POMT1: variants seen among roughly 807,000 people sequenced by gnomAD.
POMT1 encodes protein O-mannosyl-transferase 1.
A neutral mutation model predicts 101.6 loss-of-function variants in POMT1; 85 were observed. That is an observed-to-expected ratio of 0.84 (90% CI 0.70 to 1.00). POMT1 has a LOEUF of 1.00. Among genes scored for constraint, POMT1 ranks in the 50% least tolerant of loss-of-function variants. The pLI is 0.00. For missense variants in POMT1, 857 were observed against 930.4 expected, an observed-to-expected ratio of 0.92 and a Z score of 1.03; for synonymous variants, 371 against 383.0, an observed-to-expected ratio of 0.97 and a Z score of 0.37.
At position 131,518,530 on chromosome 9, in the gene POMT1, T is replaced by C; in HGVS notation, c.1358T>C (p.Val453Ala). Residue 453 changes from valine (V) to alanine (A), a missense_variant, in exon 14 of 20, where the codon GTC (valine) becomes GCC (alanine). By Grantham distance (64) the Val-to-Ala change is moderately conservative. Transcript: ENST00000402686. ...TTTGTGCACGTGAACACTTCCGCTG[T>C]CTTAAAGGTAAGGACACTGTCCGTG... is the stretch of plus-strand genomic sequence containing the variant. ...VRFVHVNTSA[V>A]LKLSGAHLPD... 1 of 1,613,312 alleles carries C rather than the reference T, an allele frequency of 6.2e-7. No homozygotes were observed. The highest frequency in any genetic ancestry group is 1.1e-5 in the South Asian group (1 of 91,072).
chr9:131,518,784 A>G (rs1949279393), intron 14 of POMT1, 53 bp from the exon 15 acceptor site: 1 of 1,613,526 alleles, frequency 6.2e-7, no homozygotes, highest in Non-Finnish European at 8.5e-7. Flanking sequence ...CCAAGTGGAC[A>G]CGGGAGCCAC....
chr9:131,521,932 T>C (rs954059898), intron 18 of POMT1, 115 bp from the exon 19 acceptor site: 4 of 1,564,110 alleles, frequency 2.6e-6, no homozygotes, highest in South Asian at 1.2e-5. Flanking sequence ...AGGCCAGGAG[T>C]TCAAAACCAG....
At chr9:131,510,788 G>A (rs1946951785) in intron 9 of POMT1, 4 of 349,030 alleles carry the variant, frequency 1.1e-5, no homozygotes, top group Admixed American at 4.1e-5. Flanking sequence ...TTATAGGCGT[G>A]AGCCACCGCG....
Position 131,509,977 on chromosome 9 carries a change from GAGACC to G in POMT1, c.685_689del (p.Gln229PhefsTer101). 1 of 1,614,226 alleles carries G rather than the reference GAGACC, an allele frequency of 6.2e-7. No homozygotes were observed. The highest frequency in any genetic ancestry group is 8.5e-7 in the Non-Finnish European group (1 of 1,180,044). On this transcript the variant is annotated frameshift_variant, in exon 8 of 20. Coordinates refer to ENST00000402686, the MANE Select transcript of POMT1 (RefSeq NM_001077365.2). LOFTEE classifies it high-confidence loss of function. ...GCTGTCCATGCCTGGCACCTGCTTG[GAGACC>G]AGACTTTGTCCAATGTAGGTGCTGA...
At chr9:131,511,841 A>G in intron 10 of POMT1, 200 bp from the exon 11 acceptor site, 1 of 632,212 alleles carries the variant, frequency 1.6e-6, no homozygotes, top group Non-Finnish European at 2.8e-6. Flanking sequence ...GGCCCGATCG[A>G]TGACCCACTT....
chr9:131,506,584 T>A, intron 4 of POMT1, 131 bp downstream of exon 4: 1 of 851,382 alleles, frequency 1.2e-6, no homozygotes, highest in Non-Finnish European at 2.0e-6. Context: ...TGTGCCTTAT[T>A]AATCTGAGTC....
chr9:131,523,390 C>A lies in POMT1; in HGVS notation c.*284C>A, dbSNP rs1019498510. ...AGGCCAGCGTAGGAGTCATTGACAA[C>A]AAAAAGCCGAGAACCCAGGGCCAGC... On this transcript the variant is annotated 3_prime_UTR_variant, in exon 20 of 20. Transcript: ENST00000402686. 1 of 443,008 alleles carries A rather than the reference C, an allele frequency of 2.3e-6. No homozygotes were observed. The allele number at this position is 443,008 out of a possible 1,614,324, so 27.4% of individuals were successfully genotyped here.
intron 8 of POMT1, 94 bp downstream of exon 8, chr9:131,510,090 A>G: frequency 6.2e-7 from 1 of 1,613,978 alleles, no homozygotes; most frequent in Non-Finnish European, 8.5e-7. Context: ...TCCAATCCTC[A>G]ATGTTTTAGA....
chr9:131,513,515 C>T (rs369022978), intron 12 of POMT1, among the ~76,000 whole-genome samples, 184 bp downstream of exon 12: 3 of 152,130 alleles, frequency 2.0e-5, no homozygotes, highest in African/African-American at 4.8e-5. Context: ...CGGAAGGGAG[C>T]GGGGTTAAGA....
chr9:131,520,173 T>C lies in POMT1; in HGVS notation c.1678T>C (p.Trp560Arg), dbSNP rs746249614. The change falls in exon 17 of 20, where the codon TGG (tryptophan) becomes CGG (arginine). Residue 560 changes from tryptophan (W) to arginine (R), a missense_variant. Coordinates refer to ENST00000402686, the MANE Select transcript of POMT1 (RefSeq NM_001077365.2). ...CACCCTGGACACCAATATTGCCTAC[T>C]GGCTGCACCCCAGGACCAGCGTAAG... ...WVTLDTNIAY[W>R]LHPRTSAQIH... 8.1e-6 allele frequency: 13 copies of C among 1,613,692 alleles called. No individual in the cohort carries two copies. The highest frequency in any genetic ancestry group is 1.0e-5 in the Non-Finnish European group (12 of 1,179,958).
intron 5 of POMT1, 67 bp from the exon 6 acceptor site, chr9:131,508,844 T>A: frequency 2.7e-6 from 3 of 1,131,638 alleles, no homozygotes; most frequent in Non-Finnish European, 4.0e-6. Flanking sequence ...TTTTCATGAG[T>A]GTTTTTCATC....
At chr9:131,511,931 A>C in intron 10 of POMT1, 110 bp from the exon 11 acceptor site, 1 of 1,161,768 alleles carries the variant, frequency 8.6e-7, no homozygotes, top group Middle Eastern at 1.9e-4. Context: ...GGCTGGTCTC[A>C]AACTCCTGGG....
chr9:131,517,826 G>A (rs756290972), intron 13 of POMT1, among the ~76,000 whole-genome samples: 4 of 152,194 alleles, frequency 2.6e-5, no homozygotes, highest in Admixed American at 1.3e-4. Context: ...TGAGGTGTGC[G>A]CGCCCGGCCT....
rs1301845468 is a variant in POMT1, at chr9:131,523,661, T to C, written c.*555T>C. ...TCAAGACTGGCCCTTGGCACCGTGC[T>C]GTGTGGAAACCCTCCCCTCTGAGAC... On this transcript the variant is annotated 3_prime_UTR_variant, in exon 20 of 20. Transcript: ENST00000402686. 5.7e-6 allele frequency: 1 copy of C among 175,480 alleles called. No individual in the cohort carries two copies. The highest frequency in any genetic ancestry group is 1.4e-4 in the East Asian group (1 of 7,050). 10.9% of individuals were successfully genotyped at this position (175,480 alleles called of 1,614,324 possible).
rs1367942182 is a variant in POMT1 at position 131,503,723 on chromosome 9, G to T, written c.-30-466G>T. Among the ~76,000 whole-genome samples the T allele has an allele frequency of 6.6e-6, 1 of 152,218 alleles. No homozygotes were observed. Among genetic ancestry groups the T allele is most frequent in the Non-Finnish European group, 1.5e-5 (1 of 68,028 alleles). ...TGCCGCTGGGATAGAAGGCAGGGAG[G>T]CACTGGGGGCAGATGCATCCTTGAG... On this transcript the variant is annotated intron_variant, in intron 1 of 19. Transcript: ENST00000402686. The surrounding 1 kb of genome is among the most constrained non-coding windows in gnomAD (Gnocchi z 4.4).
rs747129906 is a variant in POMT1, at chr9:131,509,930, C to G, written c.633C>G (p.Tyr211Ter). 1.9e-6 allele frequency: 3 copies of G among 1,614,108 alleles called. No homozygotes were observed. Among genetic ancestry groups the G allele is most frequent in the African/African-American group, 1.3e-5 (1 of 74,938 alleles). ...TCAAGTACATGGGTGTGTTCACGTA[C>G]GTGCTCGTGCTGGGTGTTGCAGCTG... ...VGIKYMGVFT[Y>*]VLVLGVAAVH... The change falls in exon 8 of 20, where the codon TAC (tyrosine) becomes TAG (stop). Residue 211 changes from tyrosine (Y) to a stop codon, truncating the protein, a stop_gained. Transcript: ENST00000402686. LOFTEE classifies it high-confidence loss of function.
rs564503736 is a variant in POMT1, at chr9:131,522,309, C to T, written c.2003+85C>T. On this transcript the variant is annotated intron_variant, in intron 19 of 19. Transcript: ENST00000402686. The surrounding 1 kb of genome is among the most constrained non-coding windows in gnomAD (Gnocchi z 5.5). Reference sequence around the variant, plus strand: ...TGCGCAGCAAACACATGGGGTGCAGCGAACCTCACCCATTTCACGTTACAC... The same window carrying T: ...TGCGCAGCAAACACATGGGGTGCAGTGAACCTCACCCATTTCACGTTACAC... 35 of 1,587,736 alleles carry T rather than the reference C, an allele frequency of 2.2e-5. No homozygotes were observed. Among genetic ancestry groups the T allele is most frequent in the African/African-American group, 6.7e-5 (5 of 74,610 alleles).
intron 2 of POMT1, 35 bp from the exon 3 acceptor site, chr9:131,506,079 T>C: frequency 6.2e-7 from 1 of 1,611,786 alleles, no homozygotes; most frequent in Non-Finnish European, 8.5e-7. Flanking sequence ...AAGATTCTAA[T>C]TGAATATAAT....
chr9:131,507,724 G>A (rs978689948), intron 5 of POMT1, among the ~76,000 whole-genome samples: 1 of 152,178 alleles, frequency 6.6e-6, no homozygotes, highest in Non-Finnish European at 1.5e-5. Flanking sequence ...AGCAGTCGGG[G>A]TATGGCAGTA....
Sources: allele counts gnomAD v4.1 joint callset (sites outside exome capture counted in the v4.1 genomes callset), GRCh38; gene constraint gnomAD v4.1.1; non-coding constraint Gnocchi (gnomAD v3.1); transcripts MANE v1.5; gene names NCBI Gene and HGNC (gene_info 2026-07-23, HGNC 2026-07-21).